The following FAM184A variants were observed in gnomAD, a reference collection of about 807,000 sequenced individuals.
FAM184A encodes the protein family with sequence similarity 184 member A.
Under a neutral mutation model 143.8 loss-of-function variants are expected in FAM184A, and 99 were observed. The observed-to-expected ratio is 0.69, with a 90% CI of 0.58 to 0.81. The LOEUF (loss-of-function observed/expected upper bound fraction) is 0.81, where lower values mean the gene tolerates loss of function less well. Ranked by LOEUF, FAM184A falls within the 40% of genes least tolerant of loss-of-function variation. FAM184A has a pLI of 0.00. For synonymous variants in FAM184A, 427 were observed against 446.4 expected, an observed-to-expected ratio of 0.96 and a Z score of 0.55; for missense variants, 1,217 against 1,310.5, an observed-to-expected ratio of 0.93 and a Z score of 1.10.
intron 3 of FAM184A, among the ~76,000 whole-genome samples, 184 bp from the exon 4 acceptor site, chr6:119,020,343 G>A (rs141120575): frequency 0.023 from 3,458 of 152,030 alleles, 121 homozygotes; most frequent in Middle Eastern, 0.071. Flanking sequence ...ACTTCTTAGC[G>A]CACTAGAATA....
intron 1 of FAM184A, among the ~76,000 whole-genome samples, chr6:119,100,075 G>A (rs961830196): frequency 7.2e-5 from 11 of 152,192 alleles, no homozygotes. Context: ...TATATTGGAG[G>A]ACACCCAGCT....
At chr6:119,017,211 G>A (rs1785287476) in intron 4 of FAM184A, among the ~76,000 whole-genome samples, 1 of 152,180 alleles carries the variant, frequency 6.6e-6, no homozygotes, top group South Asian at 2.1e-4. Flanking sequence ...TAAGAGTAAA[G>A]GGCTGGGCCG....
intron 1 of FAM184A, among the ~76,000 whole-genome samples, chr6:119,027,765 C>A (rs1785709043): frequency 6.6e-6 from 1 of 152,166 alleles, no homozygotes; most frequent in Non-Finnish European, 1.5e-5. Context: ...CTGAATGGAT[C>A]TGCTGGCATA....
At chr6:119,027,364 T>C (rs1406755905) in intron 1 of FAM184A, among the ~76,000 whole-genome samples, 1 of 152,222 alleles carries the variant, frequency 6.6e-6, no homozygotes, top group East Asian at 1.9e-4. Flanking sequence ...CTAAATTGAC[T>C]GAGACCTGTC....
chr6:119,062,025 T>G (rs811584), intron 1 of FAM184A, among the ~76,000 whole-genome samples: 1 of 152,150 alleles, frequency 6.6e-6, no homozygotes, highest in East Asian at 1.9e-4. Flanking sequence ...CAAGATGGAC[T>G]GAACTGCTTG....
chr6:119,006,341 A>T, intron 7 of FAM184A, 106 bp downstream of exon 7: 2 of 1,066,222 alleles, frequency 1.9e-6, no homozygotes, highest in Non-Finnish European at 2.8e-6. Flanking sequence ...CTAAGAACTA[A>T]TATACTAATT....
intron 12 of FAM184A, among the ~76,000 whole-genome samples, chr6:118,975,515 G>T (rs979478211): frequency 6.6e-6 from 1 of 152,232 alleles, no homozygotes; most frequent in Admixed American, 6.5e-5. Flanking sequence ...GATTAGTTGA[G>T]ATTAGAACAC....
intron 1 of FAM184A, among the ~76,000 whole-genome samples, chr6:119,140,642 C>G (rs1163665104): frequency 1.3e-5 from 2 of 152,218 alleles, no homozygotes; most frequent in African/African-American, 4.8e-5. Flanking sequence ...CCCTCGCCTT[C>G]CTTCTCTGCT....
chr6:119,097,801 TG>T (rs957554986), intron 1 of FAM184A, among the ~76,000 whole-genome samples: 51 of 152,310 alleles, frequency 3.3e-4, no homozygotes, highest in African/African-American at 1.2e-3. Flanking sequence ...TCCTTTCACC[TG>T]CTCCTTTTTC....
At chr6:119,104,859 G>A (rs1788738673) in intron 1 of FAM184A, among the ~76,000 whole-genome samples, 1 of 152,080 alleles carries the variant, frequency 6.6e-6, no homozygotes, top group Non-Finnish European at 1.5e-5. Context: ...ATAGTGATAA[G>A]TCATTTTGAT....
At chr6:118,966,374 T>G (rs1783500995) in intron 15 of FAM184A, among the ~76,000 whole-genome samples, 1 of 152,182 alleles carries the variant, frequency 6.6e-6, no homozygotes, top group Admixed American at 6.6e-5. Context: ...ATGGAACATT[T>G]TTTTTCTATA....
intron 14 of FAM184A, 89 bp downstream of exon 14, chr6:118,974,339 A>G: frequency 8.0e-7 from 1 of 1,246,846 alleles, no homozygotes; most frequent in South Asian, 1.6e-5. Flanking sequence ...CCTTTTTATT[A>G]GAGTCAAAAT....
chr6:119,131,741 C>T (rs548185577), intron 1 of FAM184A, among the ~76,000 whole-genome samples: 1 of 152,074 alleles, frequency 6.6e-6, no homozygotes, highest in Non-Finnish European at 1.5e-5. Flanking sequence ...ACCCAGCCCC[C>T]CAAAGTATTG....
At chr6:119,085,943 T>A (rs1254255954) in intron 1 of FAM184A, among the ~76,000 whole-genome samples, 1 of 152,156 alleles carries the variant, frequency 6.6e-6, no homozygotes, top group East Asian at 1.9e-4. Context: ...TTCATTATCA[T>A]GAGAACAGCA....
chr6:119,008,250 C>T (rs911585179), intron 6 of FAM184A, among the ~76,000 whole-genome samples: 1 of 152,202 alleles, frequency 6.6e-6, no homozygotes, highest in African/African-American at 2.4e-5. Context: ...AAGCGCTCAA[C>T]TTAAACTCCA....
At chr6:119,017,000 AGGGTAAT>A in intron 4 of FAM184A, 56 bp from the exon 5 acceptor site, 2 of 1,240,944 alleles carry the variant, frequency 1.6e-6, no homozygotes, top group Non-Finnish European at 2.3e-6. Context: ...TACTGTTATT[AGGGTAAT>A]TTGAATACCC....
chr6:119,138,968 G>A (rs538296391), intron 1 of FAM184A, among the ~76,000 whole-genome samples: 8 of 152,060 alleles, frequency 5.3e-5, no homozygotes, highest in East Asian at 3.9e-4. Flanking sequence ...CAGGCCTACC[G>A]GAATAATCTA....
chr6:119,056,131 T>C (rs998983319), intron 1 of FAM184A, among the ~76,000 whole-genome samples: 3 of 151,784 alleles, frequency 2.0e-5, no homozygotes, highest in African/African-American at 7.3e-5. Flanking sequence ...CTTGGGGAAA[T>C]GGAAAAGGAA....
chr6:119,082,978 C>G (rs1788112989), upstream of FAM184A, among the ~76,000 whole-genome samples: 1 of 152,234 alleles, frequency 6.6e-6, no homozygotes, highest in Admixed American at 6.5e-5. Context: ...TCTGCCTGCA[C>G]ATCCAGATGT....
Sources: allele counts gnomAD v4.1 joint callset (sites outside exome capture counted in the v4.1 genomes callset), GRCh38; gene constraint gnomAD v4.1.1; transcripts MANE v1.5; gene names NCBI Gene and HGNC (gene_info 2026-07-23, HGNC 2026-07-21).